The following RASSF8 variants were observed in gnomAD, a reference collection of about 807,000 sequenced individuals.
The protein encoded by RASSF8 is ras association domain-containing protein 8.
Under a neutral mutation model 48.5 loss-of-function variants are expected in RASSF8, and 22 were observed. That is an observed-to-expected ratio of 0.45 (90% CI 0.32 to 0.65). The LOEUF is 0.65. Among genes scored for constraint, RASSF8 ranks in the 30% least tolerant of loss-of-function variants. The pLI, the probability that RASSF8 is intolerant of heterozygous loss-of-function variation, is 0.03. For synonymous variants in RASSF8, 127 were observed against 171.5 expected (o/e 0.74, Z 2.03); for missense variants, 418 against 489.2 (o/e 0.85, Z 1.37).
intron 2 of RASSF8, among the ~76,000 whole-genome samples, chr12:26,035,699 T>A (rs1943132409): frequency 6.9e-6 from 1 of 145,176 alleles, no homozygotes; most frequent in South Asian, 2.1e-4. Flanking sequence ...TGTTTTTTTT[T>A]AAAGAAATGT....
chr12:26,012,309 A>G (rs759106741), intron 2 of RASSF8, among the ~76,000 whole-genome samples: 6 of 152,244 alleles, frequency 3.9e-5, no homozygotes, highest in Admixed American at 1.3e-4. Context: ...GTAAGAATTT[A>G]ACAGATATAA....
At chr12:26,053,443 A>G (rs1036584949) in intron 2 of RASSF8, among the ~76,000 whole-genome samples, 1 of 152,352 alleles carries the variant, frequency 6.6e-6, no homozygotes, top group East Asian at 1.9e-4. Flanking sequence ...TAGTAAGTAG[A>G]GTGCCTCGCA....
At chr12:26,035,403 A>G (rs1943112853) in intron 2 of RASSF8, among the ~76,000 whole-genome samples, 1 of 139,158 alleles carries the variant, frequency 7.2e-6, no homozygotes, top group South Asian at 2.1e-4. Flanking sequence ...ATATGAAATT[A>G]TATAATTATA....
intron 2 of RASSF8, among the ~76,000 whole-genome samples, chr12:26,009,640 A>T (rs1942475376): frequency 6.6e-6 from 1 of 152,218 alleles, no homozygotes; most frequent in South Asian, 2.1e-4. Context: ...AGCAGAGCAG[A>T]CTGAGAAGGA....
Position 26,070,354 on chromosome 12 carries a change from T to C in RASSF8, c.*1536T>C. The stretch of plus-strand genomic sequence containing the variant: ...CTACTTAGGTTTCCTATGAAATTTT[T>C]AAGAATGGCTATGAGACTGTATAGA... On this transcript the variant is annotated 3_prime_UTR_variant, in exon 6 of 6. Transcript: ENST00000689635. The C allele has an allele frequency of 1.0e-6, 1 of 985,334 alleles. No homozygotes were observed. Among genetic ancestry groups the C allele is most frequent in the Non-Finnish European group, 1.2e-6 (1 of 829,828 alleles). The allele number at this position is 985,334 out of a possible 1,614,324, so 61.0% of individuals were successfully genotyped here.
chr12:25,997,048 A>T lies in RASSF8; in HGVS notation c.-109+1918A>T, dbSNP rs143919405. Among the ~76,000 whole-genome samples, 242 of 152,268 alleles carry T rather than the reference A, an allele frequency of 1.6e-3. 1 individual carries two copies. Among genetic ancestry groups the T allele is most frequent in the African/African-American group, 5.5e-3 (228 of 41,568 alleles). On this transcript the variant is annotated intron_variant, in intron 2 of 5. Coordinates refer to ENST00000689635, the MANE Select transcript of RASSF8 (RefSeq NM_001394098.1). The stretch of plus-strand genomic sequence containing the variant: ...TACATTTTTTTCCCCATAATGATGC[A>T]GTTTCTCTTGAGCCATTTTTCTTTT...
chr12:26,015,712 G>A (rs556789312), intron 2 of RASSF8, among the ~76,000 whole-genome samples: 97 of 152,212 alleles, frequency 6.4e-4, no homozygotes, highest in Non-Finnish European at 1.1e-3. Context: ...TAAAGTTAGC[G>A]GACCTATTGT....
At chr12:26,002,523 C>G (rs982034885) in intron 2 of RASSF8, among the ~76,000 whole-genome samples, 4 of 152,104 alleles carry the variant, frequency 2.6e-5, no homozygotes, top group Non-Finnish European at 5.9e-5. Flanking sequence ...CGCTTGTAAT[C>G]CCAGCACTTT....
At chr12:26,058,474 T>C (rs1943659593) in intron 3 of RASSF8, among the ~76,000 whole-genome samples, 1 of 152,156 alleles carries the variant, frequency 6.6e-6, no homozygotes, top group Non-Finnish European at 1.5e-5. Context: ...TGTAGACTGG[T>C]TTCTTAGGTT....
intron 2 of RASSF8, among the ~76,000 whole-genome samples, chr12:26,050,479 G>A (rs561441536): frequency 1.4e-4 from 22 of 152,114 alleles, no homozygotes; most frequent in Non-Finnish European, 3.1e-4. Context: ...TACAAATGCT[G>A]CTTGGAAAAA....
intron 2 of RASSF8, among the ~76,000 whole-genome samples, chr12:26,005,115 A>G (rs1038633962): frequency 6.6e-6 from 1 of 152,154 alleles, no homozygotes; most frequent in Non-Finnish European, 1.5e-5. Flanking sequence ...AGAAAAAGAA[A>G]TGTGTACATA....
At chr12:26,049,692 T>G (rs938487872) in intron 2 of RASSF8, among the ~76,000 whole-genome samples, 1 of 152,280 alleles carries the variant, frequency 6.6e-6, no homozygotes, top group African/African-American at 2.4e-5. Context: ...CTGAGTGCCC[T>G]TGTAGCACTC....
rs1340035247 is a variant in RASSF8, at chr12:26,071,736, C to T, written c.*2918C>T. 1.0e-6 allele frequency: 1 copy of T among 983,390 alleles called. No individual in the cohort carries two copies. Among genetic ancestry groups the T allele is most frequent in the African/African-American group, 1.8e-5 (1 of 57,104 alleles). 60.9% of individuals were successfully genotyped at this position (983,390 alleles called of 1,614,324 possible). ...TTCTCCCAGTCATCAATGAGGTAATCATCAATTCCTATAGTTCAAATTAGT... is the reference window on the plus strand; with the variant it reads ...TTCTCCCAGTCATCAATGAGGTAATTATCAATTCCTATAGTTCAAATTAGT... On this transcript the variant is annotated 3_prime_UTR_variant, in exon 6 of 6. Coordinates refer to ENST00000689635, the MANE Select transcript of RASSF8 (RefSeq NM_001394098.1).
chr12:26,073,575 A>C (rs1006189810), downstream of RASSF8, among the ~76,000 whole-genome samples: 1 of 152,218 alleles, frequency 6.6e-6, no homozygotes, highest in East Asian at 1.9e-4. Flanking sequence ...CGTCTGTACG[A>C]AAAGTAAAAA....
intron 1 of RASSF8, among the ~76,000 whole-genome samples, chr12:25,994,011 G>T (rs1287129129): frequency 9.2e-5 from 14 of 152,172 alleles, no homozygotes. Context: ...TGGAGACAAA[G>T]TCTTCATTCA....
intron 2 of RASSF8, among the ~76,000 whole-genome samples, chr12:26,019,404 C>T (rs181738849): frequency 5.0e-4 from 76 of 152,190 alleles, no homozygotes; most frequent in Admixed American, 2.8e-3. Flanking sequence ...CATCTGCACG[C>T]ATGAAATTAT....
chr12:25,977,517 G>T (rs1389995760), intron 1 of RASSF8, among the ~76,000 whole-genome samples: 1 of 151,476 alleles, frequency 6.6e-6, no homozygotes. Context: ...GATCATTGCA[G>T]TTCTTGTTCT....
chr12:26,056,281 T>C (rs976505394), intron 3 of RASSF8, among the ~76,000 whole-genome samples: 1 of 152,248 alleles, frequency 6.6e-6, no homozygotes, highest in Non-Finnish European at 1.5e-5. Flanking sequence ...TTTCTTCTTA[T>C]TTATTTTAAG....
At chr12:26,067,193 G>A (rs1008345060) in intron 4 of RASSF8, among the ~76,000 whole-genome samples, 1 of 152,144 alleles carries the variant, frequency 6.6e-6, no homozygotes, top group Non-Finnish European at 1.5e-5. Flanking sequence ...AAAAACCTGT[G>A]GGGTTTTTTC....
Sources: gnomAD v4.1 joint callset for allele counts (sites outside exome capture counted in the v4.1 genomes callset) on GRCh38, gnomAD v4.1.1 for gene constraint, MANE v1.5 for transcripts, NCBI Gene and HGNC (gene_info 2026-07-23, HGNC 2026-07-21) for gene names.